ZNF827: variants seen among roughly 807,000 people sequenced by gnomAD.
The protein encoded by ZNF827 is zinc finger protein 827.
A neutral mutation model predicts 102.4 loss-of-function variants in ZNF827; 13 were observed. That is an observed-to-expected ratio of 0.13 (90% CI 0.08 to 0.20). The LOEUF (loss-of-function observed/expected upper bound fraction) is 0.20. ZNF827 is among the 10% of genes least tolerant of loss of function. The pLI is 1.00. For synonymous variants in ZNF827, 523 were observed against 536.2 expected (o/e 0.98, Z 0.34); for missense variants, 1,103 against 1,344.4 (o/e 0.82, Z 2.81).
intron 9 of ZNF827, among the ~76,000 whole-genome samples, chr4:145,778,903 C>T (rs973940764): frequency 1.3e-5 from 2 of 152,012 alleles, no homozygotes; most frequent in Non-Finnish European, 2.9e-5. Context: ...TTTATTCCTC[C>T]TTGTTAACTT....
chr4:145,878,751 GGA>G (rs1561031939), intron 4 of ZNF827, among the ~76,000 whole-genome samples: 5 of 146,848 alleles, frequency 3.4e-5, no homozygotes, highest in Admixed American at 1.4e-4. Flanking sequence ...GAGGAAGGGC[GGA>G]AGGAAGGAAG....
At chr4:145,781,182 C>T (rs1737938193) in intron 8 of ZNF827, among the ~76,000 whole-genome samples, 1 of 72,994 alleles carries the variant, frequency 1.4e-5, no homozygotes, top group African/African-American at 5.7e-5. Context: ...GGCAACAGAA[C>T]GAGACACCAT....
Position 145,765,524 on chromosome 4 carries a change from G to C in ZNF827, c.3052+23C>G, listed in dbSNP as rs760350682. 1.4e-5 allele frequency: 22 copies of C among 1,597,492 alleles called. No homozygotes were observed. The highest frequency in any genetic ancestry group is 1.9e-5 in the Non-Finnish European group (22 of 1,172,036). On this transcript the variant is annotated intron_variant, in intron 12 of 14. Coordinates refer to ENST00000508784, the MANE Select transcript of ZNF827 (RefSeq NM_001306215.2). This position sits in a 1 kb window ranked among gnomAD's most constrained non-coding sequence, Gnocchi z 4.7. ...ATCCTGGGTGCGGAGGGTTGAGCAG[G>C]CTCACACCCACCTCCTCCTTACCTT... is the stretch of plus-strand genomic sequence containing the variant.
At chr4:145,847,562 C>G (rs1037905179) in intron 6 of ZNF827, among the ~76,000 whole-genome samples, 2 of 152,176 alleles carry the variant, frequency 1.3e-5, no homozygotes, top group African/African-American at 2.4e-5. Flanking sequence ...GAGGTAGACC[C>G]TCCCTTACTG....
At chr4:145,843,011 C>A (rs1001498627) in intron 7 of ZNF827, among the ~76,000 whole-genome samples, 1 of 152,052 alleles carries the variant, frequency 6.6e-6, no homozygotes, top group Non-Finnish European at 1.5e-5. Flanking sequence ...TGATCTTGTA[C>A]CTGCAGAGTA....
At position 145,892,925 on chromosome 4, in the gene ZNF827, CA is replaced by C. The variant is rs777157351; in HGVS notation, c.1094-511del. Among the ~76,000 whole-genome samples, 332 of 152,388 alleles carry C rather than the reference CA, an allele frequency of 2.2e-3. 1 individual carries two copies. Among genetic ancestry groups the C allele is most frequent in the Non-Finnish European group, 3.0e-3 (205 of 68,034 alleles). ...AAAACCAAACAGCTAGCATAAACCT[CA>C]CTCTCTGAACTCCAATGGAGACAAA... On this transcript the variant is annotated intron_variant, in intron 2 of 14. Coordinates refer to ENST00000508784, the MANE Select transcript of ZNF827 (RefSeq NM_001306215.2).
chr4:145,853,405 A>G (rs1263384044), intron 5 of ZNF827, among the ~76,000 whole-genome samples: 1 of 152,200 alleles, frequency 6.6e-6, no homozygotes, highest in Non-Finnish European at 1.5e-5. Context: ...ACAAATAGTC[A>G]TTTTATCCCA....
intron 7 of ZNF827, among the ~76,000 whole-genome samples, chr4:145,837,982 C>A (rs1322463818): frequency 1.3e-5 from 2 of 151,876 alleles, no homozygotes; most frequent in African/African-American, 4.8e-5. Flanking sequence ...TACCACCCCC[C>A]AAAAATTTTC....
chr4:145,831,659 G>T (rs1744221458), intron 7 of ZNF827: 1 of 152,194 alleles, frequency 6.6e-6, no homozygotes. Flanking sequence ...AACTAAAGGT[G>T]TTGTTAATTT....
At chr4:145,791,258 C>T (rs1236061266) in intron 8 of ZNF827, among the ~76,000 whole-genome samples, 1 of 152,216 alleles carries the variant, frequency 6.6e-6, no homozygotes, top group Non-Finnish European at 1.5e-5. Flanking sequence ...TCCACCCTCA[C>T]ATGGCAGAAG....
At position 145,823,450 on chromosome 4, in the gene ZNF827, G is replaced by A. The variant is rs541066740; in HGVS notation, c.2355C>T (p.Ser785=). Residue 785 remains serine (S), a synonymous_variant, in exon 8 of 15, where the codon TCC becomes TCT. Transcript: ENST00000508784. The stretch of plus-strand genomic sequence containing the variant: ...GAGCTGATATTCTTCCGTGCAGCAC[G>A]GAGTCACTGGGCAGCAGTTCTTTTG... ...SNSKELLPSD[S]VLHGRISAPE... is the part of the protein sequence containing the mutation. The A allele has an allele frequency of 1.2e-6, 2 of 1,613,970 alleles. No individual in the cohort carries two copies. The highest frequency in any genetic ancestry group is 2.2e-5 in the East Asian group (1 of 44,872).
intron 8 of ZNF827, among the ~76,000 whole-genome samples, chr4:145,816,310 C>T (rs767644726): frequency 1.3e-4 from 20 of 152,182 alleles, no homozygotes; most frequent in African/African-American, 4.6e-4. Flanking sequence ...GATAAAGGGG[C>T]GTGGCCACAC....
At chr4:145,910,259 C>T (rs577660975) in intron 1 of ZNF827, among the ~76,000 whole-genome samples, 117 of 152,232 alleles carry the variant, frequency 7.7e-4, no homozygotes, top group African/African-American at 2.7e-3. Context: ...CGCATCACTC[C>T]TCTGCAGAGT....
chr4:145,779,229 A>T, intron 9 of ZNF827, 145 bp downstream of exon 9: 1 of 1,122,300 alleles, frequency 8.9e-7, no homozygotes, highest in Non-Finnish European at 1.2e-6. Flanking sequence ...GGTCTTCTTT[A>T]AACATGCCAG....
intron 1 of ZNF827, among the ~76,000 whole-genome samples, chr4:145,904,003 T>G (rs1199488393): frequency 6.6e-6 from 1 of 152,176 alleles, no homozygotes; most frequent in Non-Finnish European, 1.5e-5. Context: ...CGGTTAGGAA[T>G]GTGTTCCCTC....
chr4:145,827,976 A>C (rs1388350291), intron 7 of ZNF827, among the ~76,000 whole-genome samples: 2 of 152,166 alleles, frequency 1.3e-5, no homozygotes, highest in Admixed American at 1.3e-4. Context: ...TGGAAAAAGC[A>C]CTTCAGTAAG....
chr4:145,806,626 G>C (rs2126343988), intron 8 of ZNF827, among the ~76,000 whole-genome samples: 2 of 151,834 alleles, frequency 1.3e-5, no homozygotes, highest in South Asian at 4.2e-4. Context: ...TAATCTAAGG[G>C]GAAAGTTAAG....
intron 8 of ZNF827, among the ~76,000 whole-genome samples, chr4:145,818,558 T>A (rs1330241373): frequency 3.3e-5 from 5 of 152,006 alleles, no homozygotes; most frequent in African/African-American, 1.2e-4. Flanking sequence ...CATCCAATGT[T>A]CTATTGTTTA....
intron 7 of ZNF827, among the ~76,000 whole-genome samples, chr4:145,842,745 G>A (rs1219932798): frequency 6.6e-6 from 1 of 152,162 alleles, no homozygotes; most frequent in East Asian, 1.9e-4. Context: ...CTGTGCTCAG[G>A]CCTGCCCTTT....
Sources: allele counts gnomAD v4.1 joint callset (sites outside exome capture counted in the v4.1 genomes callset), GRCh38; gene constraint gnomAD v4.1.1; non-coding constraint Gnocchi (gnomAD v3.1); transcripts MANE v1.5; gene names NCBI Gene and HGNC (gene_info 2026-07-23, HGNC 2026-07-21).